The following PID1 variants were observed in gnomAD, a reference collection of about 807,000 sequenced individuals.
PID1 encodes PTB-containing, cubilin and LRP1-interacting protein.
A neutral mutation model predicts 19.1 loss-of-function variants in PID1; 10 were observed. The observed-to-expected ratio is 0.52, with a 90% CI of 0.32 to 0.89. PID1 has a LOEUF of 0.89. Among genes scored for constraint, PID1 ranks in the 40% least tolerant of loss-of-function variants. The pLI is 0.03. For synonymous variants in PID1, 130 were observed against 116.0 expected (o/e 1.12, Z -0.78); for missense variants, 248 against 285.3 (o/e 0.87, Z 0.94).
At chr2:229,185,755 C>A (rs552387698) in intron 1 of PID1, among the ~76,000 whole-genome samples, 1 of 152,142 alleles carries the variant, frequency 6.6e-6, no homozygotes, top group South Asian at 2.1e-4. Context: ...TCCCACAACA[C>A]GTGGGAATTG....
At chr2:229,252,210 C>T (rs1690171978) in intron 1 of PID1, among the ~76,000 whole-genome samples, 1 of 152,148 alleles carries the variant, frequency 6.6e-6, no homozygotes, top group Non-Finnish European at 1.5e-5. Context: ...GAAAGAACTT[C>T]ACTCCCATTA....
chr2:229,195,932 T>C (rs531188298), intron 1 of PID1, among the ~76,000 whole-genome samples: 1 of 152,186 alleles, frequency 6.6e-6, no homozygotes, highest in South Asian at 2.1e-4. Context: ...TTCATTCTTT[T>C]CTAATAAATG....
chr2:229,251,944 T>TAAAAAAAAAAAAAAAAAAGAAAAAC (rs1690162613), intron 1 of PID1, among the ~76,000 whole-genome samples: 1 of 71,472 alleles, frequency 1.4e-5, no homozygotes, highest in Non-Finnish European at 2.9e-5. Context: ...AACCATAAGC[T>TAAAAAAAAAAAAAAAAAAGAAAAAC]AAAAAAAAAA....
rs540959914 is a variant in PID1 at position 229,227,227 on chromosome 2, C to T, written c.30+43787G>A. Among the ~76,000 whole-genome samples, 16 of 152,332 alleles carry T rather than the reference C, an allele frequency of 1.1e-4. No individual in the cohort carries two copies. In the South Asian group the frequency reaches 3.3e-3, roughly 32 times the overall value. ...AATATGATAGCCACTAGCCTTGCAA[C>T]ATATGACTACTTAAATTTAAATTTA... On this transcript the variant is annotated intron_variant, in intron 1 of 2. Transcript: ENST00000392055.
rs781693595 is a variant in PID1 at position 229,026,004 on chromosome 2, C to T, written c.282G>A (p.Glu94=). 1 of 1,614,194 alleles carries T rather than the reference C, an allele frequency of 6.2e-7. No individual in the cohort carries two copies. The highest frequency in any genetic ancestry group is 1.1e-5 in the South Asian group (1 of 91,080). Residue 94 remains glutamate, a synonymous_variant, in exon 3 of 3, where the codon GAG becomes GAA. Transcript: ENST00000392055. Reference sequence around the variant, plus strand: ...GGAGGGCATTGGCCGGAAAGACATCCTCTCGGGCTAGCGTGTGCTTCTTCC... The same window carrying T: ...GGAGGGCATTGGCCGGAAAGACATCTTCTCGGGCTAGCGTGTGCTTCTTCC... The part of the protein sequence containing the change: ...ELWKKHTLAR[E]DVFPANALLE...
intron 2 of PID1, among the ~76,000 whole-genome samples, chr2:229,063,373 A>G (rs1339251421): frequency 1.3e-5 from 2 of 151,932 alleles, no homozygotes; most frequent in African/African-American, 2.4e-5. Context: ...TTAACTTCTT[A>G]TTTGACTCAC....
At chr2:229,218,489 C>G (rs1251759264) in intron 1 of PID1, among the ~76,000 whole-genome samples, 1 of 152,172 alleles carries the variant, frequency 6.6e-6, no homozygotes, top group Non-Finnish European at 1.5e-5. Flanking sequence ...CAAGCTGAAG[C>G]TTTGCCAGCA....
At chr2:229,080,054 C>G (rs971102912) in intron 2 of PID1, among the ~76,000 whole-genome samples, 10 of 152,124 alleles carry the variant, frequency 6.6e-5, no homozygotes, top group African/African-American at 2.2e-4. Flanking sequence ...CGGGGCCTCT[C>G]CTGCCTCCCT....
At chr2:229,142,345 G>T (rs1325279667) in intron 2 of PID1, among the ~76,000 whole-genome samples, 4 of 152,102 alleles carry the variant, frequency 2.6e-5, no homozygotes, top group African/African-American at 4.8e-5. Flanking sequence ...ATCCAGAGAG[G>T]ATTTCTGGGA....
At chr2:229,087,213 A>G (rs1694786039) in intron 2 of PID1, among the ~76,000 whole-genome samples, 1 of 152,162 alleles carries the variant, frequency 6.6e-6, no homozygotes, top group African/African-American at 2.4e-5. Context: ...GATACTGACT[A>G]TTAAAAAAAG....
chr2:229,077,157 C>T (rs1164734084), intron 2 of PID1, among the ~76,000 whole-genome samples: 1 of 152,076 alleles, frequency 6.6e-6, no homozygotes, highest in African/African-American at 2.4e-5. Flanking sequence ...ATGATGAGTT[C>T]TTTTTCATGT....
rs199981116 is a variant in PID1, at chr2:229,183,277, C to T, written c.31-27313G>A. On this transcript the variant is annotated intron_variant, in intron 1 of 2. Coordinates refer to ENST00000392055, the MANE Select transcript of PID1 (RefSeq NM_001100818.2). ...AGGGAGAGGTATGGAACAGATTCTT[C>T]GTTAGGAACCAACCCTGCTGACACC... Among the ~76,000 whole-genome samples the T allele has an allele frequency of 1.2e-4, 18 of 152,310 alleles. No homozygotes were observed. The East Asian group carries it at 2.9e-3, about 25-fold the overall frequency.
At chr2:229,126,423 CA>C (rs747977904) in intron 2 of PID1, among the ~76,000 whole-genome samples, 77 of 141,074 alleles carry the variant, frequency 5.5e-4, no homozygotes, top group Admixed American at 6.4e-4. Flanking sequence ...AATGGTCTGG[CA>C]AAAAAAAAAA....
chr2:229,262,946 C>T (rs1203144423), intron 1 of PID1: 7 of 1,397,848 alleles, frequency 5.0e-6, no homozygotes, highest in Non-Finnish European at 5.6e-6. Context: ...TCAATATGAC[C>T]TCATCTTAAC....
chr2:229,264,764 T>C (rs185270897), intron 1 of PID1, among the ~76,000 whole-genome samples: 4 of 152,250 alleles, frequency 2.6e-5, no homozygotes, highest in Non-Finnish European at 5.9e-5. Context: ...ATATATTAAG[T>C]CCAACTTTGA....
At chr2:229,166,307 G>A (rs767801754) in intron 1 of PID1, among the ~76,000 whole-genome samples, 9 of 109,870 alleles carry the variant, frequency 8.2e-5, no homozygotes, top group Non-Finnish European at 1.5e-4. Context: ...TGGGGATAGT[G>A]AGGAACGAAG....
intron 2 of PID1, among the ~76,000 whole-genome samples, chr2:229,027,495 TTG>T (rs1338989529): frequency 1.3e-5 from 2 of 152,134 alleles, no homozygotes; most frequent in East Asian, 3.9e-4. Flanking sequence ...ACTCTCACCC[TTG>T]GCACCTGCAC....
At chr2:229,132,798 T>C (rs571472303) in intron 2 of PID1, among the ~76,000 whole-genome samples, 2 of 152,232 alleles carry the variant, frequency 1.3e-5, no homozygotes, top group Non-Finnish European at 1.5e-5. Context: ...AATGCTGTCA[T>C]TATTAAATAG....
In PID1 at chr2:229,160,792, G is replaced by A. The variant is rs138112147; in HGVS notation, c.31-4828C>T. On this transcript the variant is annotated intron_variant, in intron 1 of 2. Transcript: ENST00000392055. Reference sequence around the variant, plus strand: ...CCACTGTCAAAAGATGATGGTTAAAGAGGGAAATAAAATGTGGATTGCTTG... The same window carrying A: ...CCACTGTCAAAAGATGATGGTTAAAAAGGGAAATAAAATGTGGATTGCTTG... 2.4e-3 allele frequency among the ~76,000 whole-genome samples: 361 copies of A among 152,276 alleles called. 1 individual carries two copies. The highest frequency in any genetic ancestry group is 3.7e-3 in the Non-Finnish European group (251 of 68,018).
Sources: allele counts gnomAD v4.1 joint callset (sites outside exome capture counted in the v4.1 genomes callset), GRCh38; gene constraint gnomAD v4.1.1; transcripts MANE v1.5; gene names NCBI Gene and HGNC (gene_info 2026-07-23, HGNC 2026-07-21).